Variants in FAAH2 observed in about 807,000 individuals in gnomAD.
FAAH2 encodes fatty-acid amide hydrolase 2.
A neutral mutation model predicts 36.9 loss-of-function variants in FAAH2; 60 were observed. The ratio of observed to expected loss-of-function variants is 1.63; its 90% confidence interval spans 1.32 to 2.02. The LOEUF (loss-of-function observed/expected upper bound fraction) is 2.02. FAAH2 is among the 30% of genes most tolerant of loss of function. The pLI is 0.00. For missense variants in FAAH2, 689 were observed against 397.5 expected, an observed-to-expected ratio of 1.73 and a Z score of -6.23; for synonymous variants, 214 against 143.8, an observed-to-expected ratio of 1.49 and a Z score of -3.49.
the FAAH2 span, among the ~76,000 whole-genome samples, chrX:57,275,043 C>A: frequency 2.7e-5 from 3 of 112,062 alleles, no homozygotes; most frequent in East Asian, 8.5e-4. Context: ...AGCTGATAAG[C>A]AACTTCAGCA....
At chrX:57,409,805 T>G (rs1300133185) in intron 7 of FAAH2, among the ~76,000 whole-genome samples, 1 of 110,896 alleles carries the variant, frequency 9.0e-6, no homozygotes, top group Admixed American at 9.6e-5. Flanking sequence ...TCTTAGGTAG[T>G]CCAGCTAATG....
At chrX:57,345,645 G>C (rs987693760) in intron 5 of FAAH2, among the ~76,000 whole-genome samples, 2 of 110,825 alleles carry the variant, frequency 1.8e-5, no homozygotes, top group African/African-American at 6.6e-5. Context: ...CCCAATTATA[G>C]TTACATATTT....
chrX:57,285,017 T>C (rs569870990), upstream of FAAH2, among the ~76,000 whole-genome samples: 5 of 112,447 alleles, frequency 4.4e-5, no homozygotes, highest in South Asian at 1.8e-3. Flanking sequence ...TTGGGCAAAG[T>C]AAATATTTTC....
At chrX:57,258,851 G>A in the FAAH2 span, among the ~76,000 whole-genome samples, 2 of 107,664 alleles carry the variant, frequency 1.9e-5, no homozygotes, top group African/African-American at 6.8e-5. Flanking sequence ...TGGGACTACA[G>A]GCACCTGCCA....
chrX:57,429,762 G>T (rs1200051567), intron 7 of FAAH2, among the ~76,000 whole-genome samples: 3 of 111,483 alleles, frequency 2.7e-5, no homozygotes, highest in Non-Finnish European at 5.6e-5. Flanking sequence ...CAATAGAAAA[G>T]ATATAGAATC....
chrX:57,280,440 T>C, the FAAH2 span, among the ~76,000 whole-genome samples: 1 of 111,026 alleles, frequency 9.0e-6, no homozygotes, highest in African/African-American at 3.3e-5. Flanking sequence ...TATATAGATG[T>C]CATATAAGCT....
chrX:57,456,529 T>C (rs762423206), intron 10 of FAAH2, among the ~76,000 whole-genome samples: 3 of 111,451 alleles, frequency 2.7e-5, no homozygotes, highest in African/African-American at 9.8e-5. Context: ...TAAACAAGAT[T>C]GATATACCAT....
intron 10 of FAAH2, among the ~76,000 whole-genome samples, chrX:57,451,529 G>A (rs1268858596): frequency 9.0e-6 from 1 of 111,508 alleles, no homozygotes; most frequent in East Asian, 2.8e-4. Flanking sequence ...AGGCTTTCTG[G>A]AATAGGTGAC....
chrX:57,138,540 G>A, the FAAH2 span, among the ~76,000 whole-genome samples: 3 of 110,926 alleles, frequency 2.7e-5, no homozygotes, highest in Non-Finnish European at 5.7e-5. Context: ...CAGATAGCTC[G>A]TTGATATGCT....
intron 10 of FAAH2, among the ~76,000 whole-genome samples, chrX:57,460,856 T>A (rs906484368): frequency 9.0e-6 from 1 of 111,597 alleles, no homozygotes; most frequent in Non-Finnish European, 1.9e-5. Context: ...CACAAACTGG[T>A]AAATTGGATA....
At chrX:57,356,874 T>C (rs758163671) in intron 5 of FAAH2, among the ~76,000 whole-genome samples, 2 of 110,971 alleles carry the variant, frequency 1.8e-5, no homozygotes, top group East Asian at 5.6e-4. Context: ...CGTGCAATGG[T>C]GATTTGCTGC....
At chrX:57,386,713 G>A (rs193186725) in intron 7 of FAAH2, among the ~76,000 whole-genome samples, 42 of 111,280 alleles carry the variant, frequency 3.8e-4, no homozygotes, top group African/African-American at 1.3e-3. Context: ...ATTTTTGCTG[G>A]CCTGAAATTC....
At chrX:57,348,640 A>G (rs1437352869) in intron 5 of FAAH2, among the ~76,000 whole-genome samples, 1 of 111,128 alleles carries the variant, frequency 9.0e-6, no homozygotes. Context: ...GCCTTCACTA[A>G]CAAGCATACC....
intron 7 of FAAH2, among the ~76,000 whole-genome samples, chrX:57,385,920 A>AC (rs2055011750): frequency 9.2e-6 from 1 of 108,618 alleles, no homozygotes; most frequent in African/African-American, 3.3e-5. Flanking sequence ...AAAAAAAAAA[A>AC]TAGCATAAGT....
chrX:57,361,130 C>A (rs1431152516), intron 5 of FAAH2, among the ~76,000 whole-genome samples: 2 of 111,865 alleles, frequency 1.8e-5, no homozygotes, highest in Non-Finnish European at 3.8e-5. Flanking sequence ...TTAGTTCTTT[C>A]TTAAATATTT....
the FAAH2 span, among the ~76,000 whole-genome samples, chrX:57,272,748 G>A: frequency 3.8e-4 from 43 of 112,324 alleles, no homozygotes; most frequent in African/African-American, 1.3e-3. Flanking sequence ...CAGAGCTCCT[G>A]AAGTGAGCAC....
At chrX:57,330,895 G>A (rs1342593259) in intron 3 of FAAH2, among the ~76,000 whole-genome samples, 2 of 110,550 alleles carry the variant, frequency 1.8e-5, no homozygotes, top group Admixed American at 1.9e-4. Context: ...CACCTGACAG[G>A]TCAGGAATTG....
In FAAH2 at chrX:57,392,578, A is replaced by AGTGG. The variant is rs1015556512; in HGVS notation, c.996+11551_996+11554dup. 38 of 819,098 alleles carry AGTGG rather than the reference A, an allele frequency of 4.6e-5. No homozygotes were observed. The Admixed American group carries it at 8.6e-4, about 19-fold the overall frequency. The allele number at this position is 819,098 out of a possible 1,213,427, so 67.5% of individuals were successfully genotyped here. On this transcript the variant is annotated intron_variant, in intron 7 of 10. Transcript: ENST00000374900. ...GGCTGCCTTATACTTCCTAACTCCC[A>AGTGG]GTGGGCCTGAATAGACACTGGCCAG... is the stretch of plus-strand genomic sequence containing the variant.
intron 7 of FAAH2, chrX:57,381,541 T>C: frequency 4.4e-6 from 3 of 685,360 alleles, no homozygotes; most frequent in Non-Finnish European, 5.2e-6. Flanking sequence ...AATGTAATAA[T>C]AATACAGCTT....
Sources: gnomAD v4.1 joint callset for allele counts (sites outside exome capture counted in the v4.1 genomes callset) on GRCh38, gnomAD v4.1.1 for gene constraint, MANE v1.5 for transcripts, NCBI Gene and HGNC (gene_info 2026-07-23, HGNC 2026-07-21) for gene names.